ADAMTSL1: variants seen among roughly 807,000 people sequenced by gnomAD.
The protein encoded by ADAMTSL1 is ADAMTS like 1.
In ADAMTSL1, 126 loss-of-function variants were observed where a neutral mutation model predicts 201.8. The observed-to-expected ratio is 0.62, with a 90% CI of 0.54 to 0.72. ADAMTSL1 has a LOEUF of 0.72. Ranked by LOEUF, ADAMTSL1 falls within the 30% of genes least tolerant of loss-of-function variation. The pLI is 0.00. For synonymous variants in ADAMTSL1, 1,121 were observed against 903.4 expected (o/e 1.24, Z -4.32); for missense variants, 2,679 against 2,277.8 (o/e 1.18, Z -3.59).
chr9:18,090,668 A>G (rs1823972332), intron 1 of ADAMTSL1, among the ~76,000 whole-genome samples: 1 of 152,228 alleles, frequency 6.6e-6, no homozygotes, highest in South Asian at 2.1e-4. Context: ...CTGGAGCTGC[A>G]TGGCGGCAAT....
chr9:18,081,101 A>T (rs567058373), intron 1 of ADAMTSL1, among the ~76,000 whole-genome samples: 1 of 152,306 alleles, frequency 6.6e-6, no homozygotes, highest in South Asian at 2.1e-4. Context: ...AGAAAACAAC[A>T]TTGCTCAGCT....
At chr9:18,136,912 G>T (rs977631815) in intron 1 of ADAMTSL1, among the ~76,000 whole-genome samples, 1 of 152,134 alleles carries the variant, frequency 6.6e-6, no homozygotes, top group African/African-American at 2.4e-5. Context: ...AGGCAAAATT[G>T]TAAGGAGGGT....
At chr9:18,176,337 T>A (rs1469833727) in intron 2 of ADAMTSL1, among the ~76,000 whole-genome samples, 3 of 152,146 alleles carry the variant, frequency 2.0e-5, no homozygotes, top group Non-Finnish European at 4.4e-5. Flanking sequence ...TAATAATTAT[T>A]AAAATGTGAG....
At chr9:18,444,004 TTAAG>T (rs780217700) in intron 2 of ADAMTSL1, among the ~76,000 whole-genome samples, 21 of 152,294 alleles carry the variant, frequency 1.4e-4, no homozygotes, top group Non-Finnish European at 2.2e-4. Flanking sequence ...ATGTTCACAT[TTAAG>T]TAAGAGGAAC....
intron 1 of ADAMTSL1, among the ~76,000 whole-genome samples, chr9:18,494,444 C>T (rs927806588): frequency 2.0e-5 from 3 of 151,236 alleles, no homozygotes; most frequent in African/African-American, 7.3e-5. Context: ...CATCTTAGAG[C>T]AGGAGCAGGA....
At chr9:17,938,784 T>C (rs536344111) in intron 1 of ADAMTSL1, among the ~76,000 whole-genome samples, 7 of 152,282 alleles carry the variant, frequency 4.6e-5, no homozygotes, top group African/African-American at 1.7e-4. Flanking sequence ...CAAGAGCACA[T>C]TTTTCCTAAT....
At chr9:18,604,507 A>G (rs1265038115) in intron 4 of ADAMTSL1, among the ~76,000 whole-genome samples, 1 of 152,152 alleles carries the variant, frequency 6.6e-6, no homozygotes, top group Non-Finnish European at 1.5e-5. Flanking sequence ...TAATGAAATC[A>G]TATAATATTT....
chr9:18,258,332 A>C (rs1470439027), intron 2 of ADAMTSL1, among the ~76,000 whole-genome samples: 1 of 152,210 alleles, frequency 6.6e-6, no homozygotes, highest in East Asian at 1.9e-4. Flanking sequence ...AATGAGGTAA[A>C]CGAGGAATTA....
At chr9:18,553,198 G>T (rs9792478) in intron 3 of ADAMTSL1, among the ~76,000 whole-genome samples, 1 of 147,846 alleles carries the variant, frequency 6.8e-6, no homozygotes, top group Non-Finnish European at 1.5e-5. Flanking sequence ...ACTTCTTAGA[G>T]CTAGTCCCAG....
At chr9:18,507,442 C>T (rs11789527) in intron 2 of ADAMTSL1, among the ~76,000 whole-genome samples, 24,966 of 152,038 alleles carry the variant, frequency 0.16, 2,221 homozygotes, top group Non-Finnish European at 0.19. Flanking sequence ...ATAATAATAC[C>T]AAATAAGTAT....
chr9:18,684,218 A>G (rs1309199993), intron 12 of ADAMTSL1, among the ~76,000 whole-genome samples: 2 of 152,216 alleles, frequency 1.3e-5, no homozygotes, highest in Non-Finnish European at 2.9e-5. Context: ...TGAGTCAGAT[A>G]TCTAAATCAA....
chr9:18,196,922 A>G (rs984700208), intron 2 of ADAMTSL1, among the ~76,000 whole-genome samples: 1 of 152,034 alleles, frequency 6.6e-6, no homozygotes, highest in Non-Finnish European at 1.5e-5. Flanking sequence ...GCCTTCCAGA[A>G]CTGTACTACC....
chr9:18,835,266 T>G (rs1825243398), intron 23 of ADAMTSL1, among the ~76,000 whole-genome samples: 1 of 152,180 alleles, frequency 6.6e-6, no homozygotes, highest in African/African-American at 2.4e-5. Context: ...CCTGATTTCT[T>G]CTTTGGTAAA....
chr9:17,985,298 A>T (rs1818879506), intron 1 of ADAMTSL1, among the ~76,000 whole-genome samples: 1 of 152,120 alleles, frequency 6.6e-6, no homozygotes, highest in South Asian at 2.1e-4. Flanking sequence ...TGATTTTCCA[A>T]ATATTAAACC....
intron 2 of ADAMTSL1, among the ~76,000 whole-genome samples, chr9:18,366,026 A>G (rs1836752094): frequency 1.3e-5 from 2 of 152,148 alleles, no homozygotes; most frequent in Admixed American, 1.3e-4. Context: ...TCACGAAACC[A>G]GTCTCTGGTG....
At chr9:18,144,622 T>G (rs1046018345) in intron 1 of ADAMTSL1, among the ~76,000 whole-genome samples, 6 of 152,170 alleles carry the variant, frequency 3.9e-5, no homozygotes, top group African/African-American at 1.4e-4. Flanking sequence ...ATTCCCCAGG[T>G]CTTCCCCATT....
chr9:18,574,825 A>C (rs1323514011), intron 4 of ADAMTSL1, among the ~76,000 whole-genome samples: 1 of 152,140 alleles, frequency 6.6e-6, no homozygotes, highest in Non-Finnish European at 1.5e-5. Flanking sequence ...GATTACAAAA[A>C]GGTTTGATTT....
chr9:18,097,630 A>C (rs1339564944), intron 1 of ADAMTSL1, among the ~76,000 whole-genome samples: 1 of 152,176 alleles, frequency 6.6e-6, no homozygotes, highest in African/African-American at 2.4e-5. Flanking sequence ...TACAATTTTC[A>C]TCAGTCTAAT....
At chr9:18,809,795 C>CA (rs201712099) in intron 20 of ADAMTSL1, among the ~76,000 whole-genome samples, 19 of 150,858 alleles carry the variant, frequency 1.3e-4, no homozygotes, top group Admixed American at 3.3e-4. Flanking sequence ...ATCTCAAAAA[C>CA]AAAAAAAAGA....
Sources: allele counts gnomAD v4.1 joint callset (sites outside exome capture counted in the v4.1 genomes callset), GRCh38; gene constraint gnomAD v4.1.1; transcripts MANE v1.5; gene names NCBI Gene and HGNC (gene_info 2026-07-23, HGNC 2026-07-21).